Variants in GALNTL6 observed in about 807,000 individuals in gnomAD.
GALNTL6 encodes the protein polypeptide N-acetylgalactosaminyltransferase like 6.
GALNTL6 carries 46 observed loss-of-function variants against 73.7 expected under a neutral mutation model. The observed-to-expected ratio is 0.62, with a 90% CI of 0.49 to 0.80. GALNTL6 has a LOEUF of 0.80. Ranked by LOEUF, GALNTL6 falls within the 30% of genes least tolerant of loss-of-function variation. The probability of loss-of-function intolerance (pLI) is 0.00; values close to 1 mark genes in which losing one functional copy is unlikely to be tolerated. For missense variants in GALNTL6, 604 were observed against 755.0 expected (o/e 0.80, Z 2.34); for synonymous variants, 259 against 263.7 (o/e 0.98, Z 0.17).
chr4:171,941,161 C>G (rs1738530271), intron 2 of GALNTL6, among the ~76,000 whole-genome samples: 1 of 152,040 alleles, frequency 6.6e-6, no homozygotes, highest in African/African-American at 2.4e-5. Flanking sequence ...AAAGAACTGT[C>G]ATGGATGGTT....
chr4:172,571,353 T>C (rs897489639), intron 5 of GALNTL6, among the ~76,000 whole-genome samples: 2 of 152,186 alleles, frequency 1.3e-5, no homozygotes, highest in African/African-American at 4.8e-5. Context: ...CACAGATCTT[T>C]GAATAGAAAC....
At position 172,322,299 on chromosome 4, in the gene GALNTL6, G is replaced by T. The variant is rs1320429488; in HGVS notation, c.386+10547G>T. The stretch of plus-strand genomic sequence containing the variant: ...AACTTTCGCTTCTGCTCTAAAACTT[G>T]CCTTGGTCTTTCACTCTACACTCTA... On this transcript the variant is annotated intron_variant, in intron 4 of 12. Transcript: ENST00000506823. Among the ~76,000 whole-genome samples the T allele has an allele frequency of 3.3e-5, 5 of 152,158 alleles. No homozygotes were observed. In the East Asian group the frequency reaches 7.7e-4, roughly 23 times the overall value.
chr4:172,527,502 C>A (rs1045991242), intron 5 of GALNTL6, among the ~76,000 whole-genome samples: 1 of 152,206 alleles, frequency 6.6e-6, no homozygotes, highest in African/African-American at 2.4e-5. Flanking sequence ...ATGGCGATAT[C>A]TTCATGATGA....
At chr4:172,988,808 C>T (rs1218735035) in intron 10 of GALNTL6, among the ~76,000 whole-genome samples, 1 of 152,270 alleles carries the variant, frequency 6.6e-6, no homozygotes, top group East Asian at 1.9e-4. Flanking sequence ...CCAGAGGGTG[C>T]AAGCCCTAAG....
At chr4:172,149,194 T>C (rs1734002751) in intron 2 of GALNTL6, among the ~76,000 whole-genome samples, 1 of 152,226 alleles carries the variant, frequency 6.6e-6, no homozygotes, top group Non-Finnish European at 1.5e-5. Flanking sequence ...TACACACATA[T>C]ACATATAATA....
chr4:172,631,734 G>GT (rs1228867785), intron 5 of GALNTL6, among the ~76,000 whole-genome samples: 1 of 152,140 alleles, frequency 6.6e-6, no homozygotes. Flanking sequence ...AGCGGGTTCT[G>GT]TTTTTGTTGT....
chr4:172,604,008 G>A (rs1235093408), intron 5 of GALNTL6, among the ~76,000 whole-genome samples: 1 of 152,202 alleles, frequency 6.6e-6, no homozygotes, highest in East Asian at 1.9e-4. Context: ...AGATATTGTA[G>A]ACGGTCAGTA....
chr4:172,762,467 A>G (rs1420678447), intron 5 of GALNTL6, among the ~76,000 whole-genome samples: 3 of 148,496 alleles, frequency 2.0e-5, no homozygotes, highest in Non-Finnish European at 4.5e-5. Context: ...AAAAAAAAGG[A>G]GTAACATGAA....
At chr4:172,681,900 C>T (rs1461169390) in intron 5 of GALNTL6, among the ~76,000 whole-genome samples, 1 of 152,162 alleles carries the variant, frequency 6.6e-6, no homozygotes. Context: ...AACTCTAGAC[C>T]AGGCAATTCA....
chr4:171,949,438 C>T (rs192217710), intron 2 of GALNTL6, among the ~76,000 whole-genome samples: 2 of 152,268 alleles, frequency 1.3e-5, no homozygotes, highest in East Asian at 1.9e-4. Flanking sequence ...AACAACAATT[C>T]AGGCCTCAAA....
intron 10 of GALNTL6, among the ~76,000 whole-genome samples, chr4:173,004,592 C>T (rs1436846616): frequency 1.3e-5 from 2 of 152,168 alleles, no homozygotes; most frequent in East Asian, 1.9e-4. Context: ...AGCCATTGCA[C>T]TCCAGCCTGG....
At chr4:172,876,332 C>A (rs562050264) in intron 7 of GALNTL6, among the ~76,000 whole-genome samples, 1 of 152,320 alleles carries the variant, frequency 6.6e-6, no homozygotes, top group South Asian at 2.1e-4. Flanking sequence ...ATCCAAAAAG[C>A]TGAGAAGTCA....
At chr4:172,176,534 A>C (rs1380347306) in intron 2 of GALNTL6, among the ~76,000 whole-genome samples, 1 of 151,948 alleles carries the variant, frequency 6.6e-6, no homozygotes, top group African/African-American at 2.4e-5. Flanking sequence ...TCCTGCCTCT[A>C]ATCTCAGTGG....
At chr4:172,090,555 TC>T (rs1238737547) in intron 2 of GALNTL6, among the ~76,000 whole-genome samples, 1 of 152,218 alleles carries the variant, frequency 6.6e-6, no homozygotes, top group Non-Finnish European at 1.5e-5. Flanking sequence ...GTTGTTTTTT[TC>T]TTGTAAATTT....
intron 2 of GALNTL6, among the ~76,000 whole-genome samples, chr4:172,034,584 C>A (rs1042319319): frequency 6.6e-6 from 1 of 152,072 alleles, no homozygotes; most frequent in African/African-American, 2.4e-5. Context: ...AGTCATCTTA[C>A]ATTTGCCAAA....
intron 2 of GALNTL6, among the ~76,000 whole-genome samples, chr4:171,825,462 C>A (rs1734798542): frequency 6.6e-6 from 1 of 152,098 alleles, no homozygotes; most frequent in South Asian, 2.1e-4. Context: ...GTCAGATTAA[C>A]AACTATGTAA....
intron 2 of GALNTL6, among the ~76,000 whole-genome samples, chr4:172,181,303 G>T (rs1012916180): frequency 6.6e-6 from 1 of 152,136 alleles, no homozygotes; most frequent in East Asian, 1.9e-4. Context: ...GGGATGCAAG[G>T]TTGGTTCAAC....
chr4:172,945,605 A>C (rs1019493041), intron 9 of GALNTL6, among the ~76,000 whole-genome samples: 1 of 152,224 alleles, frequency 6.6e-6, no homozygotes, highest in Non-Finnish European at 1.5e-5. Context: ...TATTTGGGCA[A>C]AAATACAATA....
intron 5 of GALNTL6, among the ~76,000 whole-genome samples, chr4:172,483,343 G>C (rs1336464098): frequency 6.6e-6 from 1 of 152,156 alleles, no homozygotes; most frequent in Non-Finnish European, 1.5e-5. Flanking sequence ...CAGGAAAAGA[G>C]AACATTGTGA....
Sources: allele counts gnomAD v4.1 joint callset (sites outside exome capture counted in the v4.1 genomes callset), GRCh38; gene constraint gnomAD v4.1.1; transcripts MANE v1.5; gene names NCBI Gene and HGNC (gene_info 2026-07-23, HGNC 2026-07-21).